Variants in CNTRL observed in about 807,000 individuals in gnomAD.
CNTRL encodes the protein 110 kDa centrosomal protein.
CNTRL carries 233 observed loss-of-function variants against 303.7 expected under a neutral mutation model. That is an observed-to-expected ratio of 0.77 (90% confidence interval 0.69 to 0.86). The LOEUF is 0.86. CNTRL is among the 40% of genes least tolerant of loss of function. CNTRL has a pLI of 0.00. For missense variants in CNTRL, 2,524 were observed against 2,650.6 expected (o/e 0.95, Z 1.05); for synonymous variants, 900 against 922.2 (o/e 0.98, Z 0.44).
chr9:121,160,377 C>A (rs1401272886), intron 32 of CNTRL, 75 bp downstream of exon 32: 2 of 1,112,126 alleles, frequency 1.8e-6, no homozygotes, highest in African/African-American at 3.2e-5. Context: ...GAAAAAATAA[C>A]AAATGGCCAA....
chr9:121,157,008 T>C (rs1290129181), intron 27 of CNTRL, among the ~76,000 whole-genome samples: 1 of 152,244 alleles, frequency 6.6e-6, no homozygotes, highest in Non-Finnish European at 1.5e-5. Context: ...CAGATTATTT[T>C]GAAATAAAAA....
At chr9:121,176,388 G>A (rs2053525084) in intron 43 of CNTRL, among the ~76,000 whole-genome samples, 1 of 152,084 alleles carries the variant, frequency 6.6e-6, no homozygotes, top group Non-Finnish European at 1.5e-5. Flanking sequence ...TAGCAGCAGG[G>A]CCATTAGCAG....
intron 2 of CNTRL, among the ~76,000 whole-genome samples, chr9:121,083,891 TG>T (rs1300987252): frequency 6.6e-6 from 1 of 152,240 alleles, no homozygotes; most frequent in Non-Finnish European, 1.5e-5. Context: ...CTGTCATGTA[TG>T]TGGTCCGTTG....
intron 8 of CNTRL, among the ~76,000 whole-genome samples, chr9:121,108,397 A>G (rs946599335): frequency 4.6e-5 from 7 of 152,166 alleles, no homozygotes; most frequent in African/African-American, 1.7e-4. Flanking sequence ...CACGTTACTC[A>G]GCCCATTGAA....
chr9:121,150,283 C>G lies in CNTRL; in HGVS notation c.3763C>G (p.Pro1255Ala). ...MMYTVLPDGS[P>A]VPQGMALYAP... ...GTATACTGTGCTTCCTGATGGTTCT[C>G]CTGTACCCCAGGGCATGGCCCTGTA... The change falls in exon 25 of 44, where the codon CCT (proline) becomes GCT (alanine). Residue 1255 changes from proline (P) to alanine (A), a missense_variant. Transcript: ENST00000373855. 2 of 1,614,186 alleles carry G rather than the reference C, an allele frequency of 1.2e-6. No homozygotes were observed. Among genetic ancestry groups the G allele is most frequent in the East Asian group, 2.2e-5 (1 of 44,880 alleles).
At chr9:121,155,302 A>G (rs1461202901) in intron 27 of CNTRL, among the ~76,000 whole-genome samples, 1 of 152,086 alleles carries the variant, frequency 6.6e-6, no homozygotes, top group East Asian at 1.9e-4. Flanking sequence ...TTATATTCTT[A>G]TTAAGCTACA....
At chr9:121,079,595 G>T (rs1408139730) in intron 1 of CNTRL, among the ~76,000 whole-genome samples, 1 of 152,078 alleles carries the variant, frequency 6.6e-6, no homozygotes, top group Non-Finnish European at 1.5e-5. Context: ...TCGGATTTTG[G>T]AATATTTGCT....
intron 6 of CNTRL, 151 bp downstream of exon 6, chr9:121,096,714 A>G (rs1424029246): frequency 1.8e-6 from 1 of 565,674 alleles, no homozygotes; most frequent in Non-Finnish European, 2.7e-6. Flanking sequence ...GATTTTCTAG[A>G]TTAATTAAAT....
intron 31 of CNTRL, among the ~76,000 whole-genome samples, chr9:121,159,926 G>A (rs1243064354): frequency 6.6e-6 from 1 of 152,038 alleles, no homozygotes; most frequent in Non-Finnish European, 1.5e-5. Context: ...CAGTAATGTT[G>A]CAAATATATT....
intron 1 of CNTRL, 122 bp from the exon 2 acceptor site, chr9:121,080,184 G>A (rs1335138572): frequency 6.6e-6 from 1 of 152,148 alleles, no homozygotes; most frequent in African/African-American, 2.4e-5. Flanking sequence ...AATTATTTAA[G>A]ATCTTCATCT....
In CNTRL at chr9:121,146,135, T is replaced by G. The variant is rs1307186344; in HGVS notation, c.3338T>G (p.Leu1113Ter). 1 of 1,611,920 alleles carries G rather than the reference T, an allele frequency of 6.2e-7. No homozygotes were observed. Among genetic ancestry groups the G allele is most frequent in the Non-Finnish European group, 8.5e-7 (1 of 1,179,540 alleles). Residue 1113 changes from leucine to a stop codon, truncating the protein, a stop_gained, in exon 23 of 44, where the codon TTA becomes TGA. Transcript: ENST00000373855. LOFTEE classifies it high-confidence loss of function. ...SDNKGGFENV[L>*]EEIAELRREV... ...AACAAAGGAGGCTTTGAAAATGTTTTAGAAGAAATTGCTGAACTTCGACGT... is the reference window on the plus strand; with the variant it reads ...AACAAAGGAGGCTTTGAAAATGTTTGAGAAGAAATTGCTGAACTTCGACGT...
intron 26 of CNTRL, among the ~76,000 whole-genome samples, chr9:121,154,334 C>T (rs1425216631): frequency 6.6e-6 from 1 of 152,106 alleles, no homozygotes; most frequent in East Asian, 1.9e-4. Flanking sequence ...TCAAGGGCAG[C>T]CTATGAACTG....
At chr9:121,076,785 C>T (rs997717302) in intron 1 of CNTRL, among the ~76,000 whole-genome samples, 20 of 151,624 alleles carry the variant, frequency 1.3e-4, no homozygotes, top group African/African-American at 3.6e-4. Context: ...GCAGAGGAAT[C>T]GGAATCAGGA....
intron 12 of CNTRL, 150 bp downstream of exon 12, chr9:121,118,690 C>T (rs2050090467): frequency 1.2e-5 from 6 of 504,706 alleles, no homozygotes; most frequent in Admixed American, 7.4e-5. Flanking sequence ...CCCTCCATAT[C>T]CATGGGTTCT....
At chr9:121,143,514 C>T (rs1244680212) in intron 19 of CNTRL, among the ~76,000 whole-genome samples, 2 of 152,192 alleles carry the variant, frequency 1.3e-5, no homozygotes, top group Non-Finnish European at 2.9e-5. Flanking sequence ...CATGATTTGC[C>T]TCTGTTTAGA....
chr9:121,088,828 G>A (rs1311614634), intron 3 of CNTRL, among the ~76,000 whole-genome samples: 1 of 152,186 alleles, frequency 6.6e-6, no homozygotes, highest in Non-Finnish European at 1.5e-5. Flanking sequence ...CATCCTCTTT[G>A]GTTAAGGGGA....
intron 4 of CNTRL, among the ~76,000 whole-genome samples, chr9:121,094,112 C>T (rs1329312385): frequency 6.9e-6 from 1 of 145,856 alleles, no homozygotes; most frequent in Non-Finnish European, 1.5e-5. Flanking sequence ...GGTCCCCGCC[C>T]CCTCCCCACC....
intron 25 of CNTRL, among the ~76,000 whole-genome samples, chr9:121,151,387 C>CTTTTTTTTTTTTTTTTTTTTTT (rs71370632): frequency 2.2e-5 from 2 of 90,424 alleles, no homozygotes; most frequent in African/African-American, 8.2e-5. Context: ...TTTTCTTCTT[C>CTTTTTTTTTTTTTTTTTTTTTT]TTTTTTTTTT....
intron 8 of CNTRL, among the ~76,000 whole-genome samples, chr9:121,110,701 ATT>A (rs914043640): frequency 6.6e-6 from 1 of 150,600 alleles, no homozygotes; most frequent in African/African-American, 2.4e-5. Flanking sequence ...CGTATGTATT[ATT>A]TTTTTTTAAT....
Sources: gnomAD v4.1 joint callset for allele counts (sites outside exome capture counted in the v4.1 genomes callset) on GRCh38, gnomAD v4.1.1 for gene constraint, MANE v1.5 for transcripts, NCBI Gene and HGNC (gene_info 2026-07-23, HGNC 2026-07-21) for gene names.